RPS6KC1: variants seen among roughly 807,000 people sequenced by gnomAD.
The protein encoded by RPS6KC1 is ribosomal protein S6 kinase C1, also known as inactive ribosomal protein S6 kinase delta-1.
Under a neutral mutation model 103.8 loss-of-function variants are expected in RPS6KC1, and 54 were observed. The observed-to-expected ratio is 0.52, with a 90% CI of 0.42 to 0.65. The LOEUF (loss-of-function observed/expected upper bound fraction) is 0.65, where lower values mean the gene tolerates loss of function less well. Ranked by LOEUF, RPS6KC1 falls within the 30% of genes least tolerant of loss-of-function variation. The pLI is 0.00. For missense variants in RPS6KC1, 1,151 were observed against 1,253.8 expected (o/e 0.92, Z 1.24); for synonymous variants, 439 against 438.7 (o/e 1.00, Z -0.01).
At chr1:213,685,571 C>T in the RPS6KC1 span, among the ~76,000 whole-genome samples, 23 of 149,886 alleles carry the variant, frequency 1.5e-4, no homozygotes, top group Admixed American at 3.4e-4. Flanking sequence ...CAGAGGTTGC[C>T]GTGAGCTGAG....
At chr1:213,643,224 T>G in the RPS6KC1 span, among the ~76,000 whole-genome samples, 1 of 151,982 alleles carries the variant, frequency 6.6e-6, no homozygotes, top group Non-Finnish European at 1.5e-5. Flanking sequence ...TTTGGGAATT[T>G]GACTAGAACT....
At chr1:213,771,449 C>T in the RPS6KC1 span, among the ~76,000 whole-genome samples, 1 of 152,156 alleles carries the variant, frequency 6.6e-6, no homozygotes, top group South Asian at 2.1e-4. Context: ...GTGAAGTTCT[C>T]CCCTGCCTAT....
the RPS6KC1 span, among the ~76,000 whole-genome samples, chr1:213,835,164 C>G: frequency 6.6e-6 from 1 of 152,124 alleles, no homozygotes; most frequent in South Asian, 2.1e-4. Context: ...GCATCTGGAG[C>G]AGGAGTGTCC....
chr1:213,249,567 C>T (rs2094508948), intron 12 of RPS6KC1, among the ~76,000 whole-genome samples: 1 of 152,184 alleles, frequency 6.6e-6, no homozygotes, highest in Non-Finnish European at 1.5e-5. Context: ...CTGTCATTCT[C>T]ACAATTTTCA....
rs906625950 is a variant in RPS6KC1 at position 213,227,623 on chromosome 1, C to T, written c.1045-2874C>T. On this transcript the variant is annotated intron_variant, in intron 8 of 14. Coordinates refer to ENST00000366960, the MANE Select transcript of RPS6KC1 (RefSeq NM_012424.6). ...AGAGTTGTAGGACTGAACTCTGTTT[C>T]TTTGCTGGCTGTCAGCCAAGGACTG... 3.9e-5 allele frequency among the ~76,000 whole-genome samples: 6 copies of T among 152,158 alleles called. No homozygotes were observed. In the South Asian group the frequency reaches 8.3e-4, roughly 21 times the overall value.
At chr1:213,322,912 T>A in the RPS6KC1 span, among the ~76,000 whole-genome samples, 1 of 410 alleles carries the variant, frequency 2.4e-3, no homozygotes, top group Non-Finnish European at 0.013. Flanking sequence ...CATGCCCAGC[T>A]TTTTTTTTTT....
At chr1:213,337,486 A>G in the RPS6KC1 span, among the ~76,000 whole-genome samples, 1 of 152,186 alleles carries the variant, frequency 6.6e-6, no homozygotes, top group Non-Finnish European at 1.5e-5. Context: ...TATATGCTCT[A>G]TGAACTCCAC....
the RPS6KC1 span, among the ~76,000 whole-genome samples, chr1:213,431,005 A>G: frequency 1.4e-5 from 2 of 145,034 alleles, no homozygotes; most frequent in Non-Finnish European, 3.0e-5. Flanking sequence ...GGACACAGAA[A>G]TGGGTTGGGG....
the RPS6KC1 span, among the ~76,000 whole-genome samples, chr1:213,703,299 ACTGT>A: frequency 6.6e-6 from 1 of 152,168 alleles, no homozygotes; most frequent in African/African-American, 2.4e-5. Context: ...ATCTTATTGT[ACTGT>A]CTATGTCTTA....
At chr1:213,342,266 C>G in the RPS6KC1 span, among the ~76,000 whole-genome samples, 1 of 152,226 alleles carries the variant, frequency 6.6e-6, no homozygotes, top group African/African-American at 2.4e-5. Context: ...CTGACTGACA[C>G]TGTCCCCTCC....
At chr1:213,150,088 T>C (rs973003230) in intron 6 of RPS6KC1, among the ~76,000 whole-genome samples, 2 of 152,170 alleles carry the variant, frequency 1.3e-5, no homozygotes, top group African/African-American at 2.4e-5. Flanking sequence ...GTCTTGTTTT[T>C]TCATCCATTC....
At chr1:213,203,130 C>T (rs1357013199) in intron 8 of RPS6KC1, among the ~76,000 whole-genome samples, 1 of 152,106 alleles carries the variant, frequency 6.6e-6, no homozygotes, top group African/African-American at 2.4e-5. Flanking sequence ...TTTCCTTTAT[C>T]TGAGATGCTT....
the RPS6KC1 span, among the ~76,000 whole-genome samples, chr1:213,435,934 CCTCTGGGCTCTGCCTGAGTT>C: frequency 6.6e-6 from 1 of 151,998 alleles, no homozygotes; most frequent in African/African-American, 2.4e-5. Context: ...GTCAGAGAGT[CCTCTGGGCTCTGCCTGAGTT>C]CTCTCCCTGC....
chr1:213,703,407 A>G, the RPS6KC1 span, among the ~76,000 whole-genome samples: 1 of 152,152 alleles, frequency 6.6e-6, no homozygotes, highest in African/African-American at 2.4e-5. Flanking sequence ...CAGTGTTATA[A>G]CATTCTATTT....
At chr1:213,773,684 G>A in the RPS6KC1 span, among the ~76,000 whole-genome samples, 2 of 152,020 alleles carry the variant, frequency 1.3e-5, no homozygotes, top group Admixed American at 1.3e-4. Context: ...AGTGCAGTCA[G>A]GAGTTCCTGT....
At chr1:213,666,586 T>G in the RPS6KC1 span, among the ~76,000 whole-genome samples, 1 of 152,266 alleles carries the variant, frequency 6.6e-6, no homozygotes, top group African/African-American at 2.4e-5. Flanking sequence ...TTTTTCTGTA[T>G]GTTTTGCCAG....
At chr1:213,751,200 A>G in the RPS6KC1 span, among the ~76,000 whole-genome samples, 1 of 152,156 alleles carries the variant, frequency 6.6e-6, no homozygotes, top group African/African-American at 2.4e-5. Flanking sequence ...AGTTATCACC[A>G]GAGTCACTAG....
intron 3 of RPS6KC1, among the ~76,000 whole-genome samples, chr1:213,089,465 G>GTT (rs111263225): frequency 1.3e-4 from 18 of 141,934 alleles, no homozygotes; most frequent in African/African-American, 4.1e-4. Flanking sequence ...TTTGCTGTTT[G>GTT]TTTTTTTTTT....
the RPS6KC1 span, among the ~76,000 whole-genome samples, chr1:213,510,768 G>A: frequency 6.6e-6 from 1 of 152,096 alleles, no homozygotes; most frequent in African/African-American, 2.4e-5. Flanking sequence ...TTACTTAACC[G>A]TATTCTACCA....
Sources: gnomAD v4.1 joint callset for allele counts (sites outside exome capture counted in the v4.1 genomes callset) on GRCh38, gnomAD v4.1.1 for gene constraint, MANE v1.5 for transcripts, NCBI Gene and HGNC (gene_info 2026-07-23, HGNC 2026-07-21) for gene names.